JAK3: variants seen among roughly 807,000 people sequenced by gnomAD.
The protein encoded by JAK3 is tyrosine-protein kinase JAK3.
JAK3 carries 88 observed loss-of-function variants against 120.8 expected under a neutral mutation model. The ratio of observed to expected loss-of-function variants is 0.73; its 90% CI spans 0.61 to 0.87. JAK3 has a LOEUF of 0.87. Ranked by LOEUF, JAK3 falls within the 40% of genes least tolerant of loss-of-function variation. The probability of loss-of-function intolerance (pLI) is 0.00; values close to 1 mark genes in which losing one functional copy is unlikely to be tolerated. For missense variants in JAK3, 1,254 were observed against 1,501.4 expected (o/e 0.84, Z 2.72); for synonymous variants, 592 against 628.6 (o/e 0.94, Z 0.87).
rs2094204120 is a variant in JAK3, at chr19:17,826,470, T to C, written c.*273A>G. The C allele has an allele frequency of 1.9e-6, 1 of 523,064 alleles. No homozygotes were observed. 32.4% of individuals were successfully genotyped at this position (523,064 alleles called of 1,614,324 possible). The stretch of plus-strand genomic sequence containing the variant: ...GCCAGGGCTTAAGGGGTTGGGAAGA[T>C]GCGAGAGTCTTAAATTTGGTTCCTT... On this transcript the variant is annotated 3_prime_UTR_variant, in exon 24 of 24. Coordinates refer to ENST00000458235, the MANE Select transcript of JAK3 (RefSeq NM_000215.4).
Position 17,831,797 on chromosome 19 carries a change from G to A in JAK3, c.2682C>T (p.Gly894=), listed in dbSNP as rs200092002. ...VKYRGVSYGP[G]RQSLRLVMEY... is the part of the protein sequence containing the mutation. ...CCATGACCAGCCGCAGGCTCTGGCGGCCTGGAGAAGGCAGGATCTGTCACA... is the reference window on the plus strand; with the variant it reads ...CCATGACCAGCCGCAGGCTCTGGCGACCTGGAGAAGGCAGGATCTGTCACA... The change falls in exon 20 of 24, where the codon GGC becomes GGT. Residue 894 remains glycine (G), a splice_region_variant and synonymous_variant. Transcript: ENST00000458235. The surrounding 1 kb of genome is among the most constrained non-coding windows in gnomAD (Gnocchi z 5.1). 1.2e-6 allele frequency: 2 copies of A among 1,612,770 alleles called. No homozygotes were observed. Among genetic ancestry groups the A allele is most frequent in the East Asian group, 2.2e-5 (1 of 44,858 alleles).
At chr19:17,838,231 G>A (rs2147688174) in intron 11 of JAK3, 32 bp downstream of exon 11, 1 of 1,613,800 alleles carries the variant, frequency 6.2e-7, no homozygotes. Flanking sequence ...ACCCCAGACT[G>A]AGGTATCGCC....
Position 17,826,885 on chromosome 19 carries a change from C to T in JAK3, c.3233G>A (p.Trp1078Ter). Reference protein sequence around the residue: ...AEVHELMKLCWAPSPQDRPSF... With the variant: ...AEVHELMKLC ...TGGCCGGTCCTGTGGGCTAGGGGCC[C>T]AGCACAGCTTCATGAGCTCGTGAAC... The change falls in exon 24 of 24, where the codon TGG becomes TAG. Residue 1078 changes from tryptophan to a stop codon, truncating the protein, a stop_gained. Transcript: ENST00000458235. LOFTEE classifies it low-confidence loss of function (END_TRUNC). The T allele has an allele frequency of 1.2e-6, 2 of 1,612,450 alleles. No homozygotes were observed. Among genetic ancestry groups the T allele is most frequent in the Non-Finnish European group, 1.7e-6 (2 of 1,179,986 alleles).
At position 17,826,089 on chromosome 19, in the gene JAK3, T is replaced by A. The variant is rs71332114; in HGVS notation, c.*654A>T. ...CTCTTAAAAATAATAATAATAAATT[T>A]AAAAAAAAAAAAGCCTGGGTGCAGT... On this transcript the variant is annotated 3_prime_UTR_variant, in exon 24 of 24. Transcript: ENST00000458235. 37,821 of 139,478 alleles carry A rather than the reference T, an allele frequency of 0.27. 6,627 individuals carry two copies. The highest frequency in any genetic ancestry group is 0.51 in the African/African-American group (19,846 of 38,860). The allele number at this position is 139,478 out of a possible 1,614,324, so 8.6% of individuals were successfully genotyped here. A position where few individuals can be genotyped will look rare whatever the true frequency, so the allele number is the denominator to read the frequency against.
chr19:17,843,557 G>C lies in JAK3; in HGVS notation c.309-66C>G, dbSNP rs915790216. 8.0e-7 allele frequency: 1 copy of C among 1,251,032 alleles called. No homozygotes were observed. The highest frequency in any genetic ancestry group is 1.2e-6 in the Non-Finnish European group (1 of 866,900). 77.5% of individuals were successfully genotyped at this position (1,251,032 alleles called of 1,614,324 possible). A position where few individuals can be genotyped will look rare whatever the true frequency, so the allele number is the denominator to read the frequency against. On this transcript the variant is annotated intron_variant, in intron 3 of 23. Coordinates refer to ENST00000458235, the MANE Select transcript of JAK3 (RefSeq NM_000215.4). The surrounding 1 kb of genome is among the most constrained non-coding windows in gnomAD (Gnocchi z 5.4). ...CAGCCTCAGTAGGAGTGACATTATG[G>C]TGGGGGCGAGGGACAGATTCTGCGG... is the stretch of plus-strand genomic sequence containing the variant.
intron 23 of JAK3, chr19:17,829,729 G>A: frequency 2.6e-6 from 1 of 383,454 alleles, no homozygotes; most frequent in Non-Finnish European, 4.7e-6. Flanking sequence ...CCCAGCCTGG[G>A]CAACAGAGTG....
In JAK3 at chr19:17,834,663, G is replaced by T. The variant is rs2094220604; in HGVS notation, c.2258C>A (p.Ala753Asp). ...QLPAPKWTELALLIQQCMAYE... is the reference protein window; with the variant it reads ...QLPAPKWTELDLLIQQCMAYE... ...GGCCATGCACTGTTGAATCAGCAGG[G>T]CCAGCTCTGTCCACTTGGGGGCCGG... Residue 753 changes from alanine (A) to aspartate (D), a missense_variant, in exon 17 of 24, where the codon GCC (alanine) becomes GAC (aspartate). Transcript: ENST00000458235. The T allele has an allele frequency of 6.2e-7, 1 of 1,614,126 alleles. No individual in the cohort carries two copies. Among genetic ancestry groups the T allele is most frequent in the Non-Finnish European group, 8.5e-7 (1 of 1,180,012 alleles).
rs1487135721 is a variant in JAK3 at position 17,832,256 on chromosome 19, G to A, written c.2680+263C>T. 1.2e-4 allele frequency among the ~76,000 whole-genome samples: 18 copies of A among 152,046 alleles called. No individual in the cohort carries two copies. The highest frequency in any genetic ancestry group is 4.4e-5 in the Non-Finnish European group (3 of 68,016). On this transcript the variant is annotated intron_variant, in intron 19 of 23. Coordinates refer to ENST00000458235, the MANE Select transcript of JAK3 (RefSeq NM_000215.4). The surrounding 1 kb of genome is among the most constrained non-coding windows in gnomAD (Gnocchi z 4.7). The stretch of plus-strand genomic sequence containing the variant: ...AGCCTGGGTGACAGAGCGAGACTCT[G>A]TCTCAAAAAAACAAACAAACAACAA...
At chr19:17,847,373 C>T (rs2382989) in intron 1 of JAK3, among the ~76,000 whole-genome samples, 68,167 of 151,858 alleles carry the variant, frequency 0.45, 18,605 homozygotes, top group African/African-American at 0.78. Flanking sequence ...TATTATTATT[C>T]TGTAATACTG....
intron 1 of JAK3, 82 bp from the exon 2 acceptor site, chr19:17,844,512 C>A: frequency 7.6e-7 from 1 of 1,313,282 alleles, no homozygotes; most frequent in Non-Finnish European, 1.1e-6. Flanking sequence ...GAAAGGAGTG[C>A]TGGAGGCCGG....
In JAK3 at chr19:17,826,734, G is replaced by C. The variant is rs201071664; in HGVS notation, c.*9C>G. On this transcript the variant is annotated 3_prime_UTR_variant, in exon 24 of 24. Transcript: ENST00000458235. ...ACAGAGACCTAATCCAGAGGTCTGCGGGCAGGAGCTATGAAAAGGACAGGG... is the reference window on the plus strand; with the variant it reads ...ACAGAGACCTAATCCAGAGGTCTGCCGGCAGGAGCTATGAAAAGGACAGGG... 10 of 1,613,856 alleles carry C rather than the reference G, an allele frequency of 6.2e-6. No homozygotes were observed. The highest frequency in any genetic ancestry group is 8.5e-6 in the Non-Finnish European group (10 of 1,179,860).
chr19:17,844,224 A>T lies in JAK3; in HGVS notation c.184+10T>A. ...TTCCCTCTGGCCCGATCCACTAGGG[A>T]TGCACTCACCGCTGGCCTTGGCAGC... On this transcript the variant is annotated intron_variant, in intron 2 of 23. Coordinates refer to ENST00000458235, the MANE Select transcript of JAK3 (RefSeq NM_000215.4). The T allele has an allele frequency of 6.3e-7, 1 of 1,581,046 alleles. No homozygotes were observed. The highest frequency in any genetic ancestry group is 2.3e-5 in the East Asian group (1 of 43,248).
At chr19:17,827,067 C>T (rs1398225317) in intron 23 of JAK3, among the ~76,000 whole-genome samples, 157 bp from the exon 24 acceptor site, 2 of 152,144 alleles carry the variant, frequency 1.3e-5, no homozygotes, top group Non-Finnish European at 2.9e-5. Flanking sequence ...GCAACCTCCG[C>T]CTCCCGGGTT....
intron 1 of JAK3, among the ~76,000 whole-genome samples, chr19:17,844,654 G>A (rs1283296881): frequency 6.6e-6 from 1 of 151,946 alleles, no homozygotes; most frequent in Admixed American, 6.6e-5. Flanking sequence ...AAACTTAGCC[G>A]GGTGTGGTGG....
chr19:17,839,374 G>C (rs905545086), intron 10 of JAK3, 103 bp downstream of exon 10: 2 of 1,080,780 alleles, frequency 1.9e-6, no homozygotes, highest in Non-Finnish European at 2.8e-6. Context: ...AACCCACCTT[G>C]ACCTGCAGTT....
chr19:17,829,885 A>G lies in JAK3; in HGVS notation c.3207+223T>C. 4.8e-6 allele frequency: 3 copies of G among 620,598 alleles called. No individual in the cohort carries two copies. The South Asian group carries it at 5.4e-5, about 11-fold the overall frequency. 38.4% of individuals were successfully genotyped at this position (620,598 alleles called of 1,614,324 possible). A position where few individuals can be genotyped will look rare whatever the true frequency, so the allele number is the denominator to read the frequency against. On this transcript the variant is annotated intron_variant, in intron 23 of 23. Coordinates refer to ENST00000458235, the MANE Select transcript of JAK3 (RefSeq NM_000215.4). Reference sequence around the variant, plus strand: ...CAGGAGTCTAATCTTCCCTCACCCTATAAGGCATTACTATTCTCATTTTGG... The same window carrying G: ...CAGGAGTCTAATCTTCCCTCACCCTGTAAGGCATTACTATTCTCATTTTGG...
chr19:17,831,938 T>G lies in JAK3; in HGVS notation c.2681-140A>C. ...TATGGGAACCGCAACAATGACACAT[T>G]GCTAATATCTCTTGAGTACTTTCTA... On this transcript the variant is annotated intron_variant, in intron 19 of 23. Transcript: ENST00000458235. This position sits in a 1 kb window ranked among gnomAD's most constrained non-coding sequence, Gnocchi z 5.1. The G allele has an allele frequency of 2.0e-6, 2 of 993,542 alleles. No individual in the cohort carries two copies. The highest frequency in any genetic ancestry group is 2.7e-5 in the South Asian group (2 of 73,660). 61.5% of individuals were successfully genotyped at this position (993,542 alleles called of 1,614,324 possible).
chr19:17,837,770 TC>T (rs1273718801), intron 12 of JAK3, among the ~76,000 whole-genome samples, 161 bp downstream of exon 12: 1 of 152,064 alleles, frequency 6.6e-6, no homozygotes, highest in Non-Finnish European at 1.5e-5. Context: ...GTTCTTGAAC[TC>T]CTGGCTTCAA....
In JAK3 at chr19:17,847,948, A is replaced by AG; in HGVS notation, c.-17dup. The AG allele has an allele frequency of 9.7e-7, 1 of 1,031,524 alleles. No homozygotes were observed. The highest frequency in any genetic ancestry group is 1.2e-6 in the Non-Finnish European group (1 of 856,562). 63.9% of individuals were successfully genotyped at this position (1,031,524 alleles called of 1,614,324 possible). On this transcript the variant is annotated 5_prime_UTR_variant, in exon 1 of 24. Coordinates refer to ENST00000458235, the MANE Select transcript of JAK3 (RefSeq NM_000215.4). ...CCTGCGGCATCGCCAGCTCTTACCT[A>AG]GCGGGCAGGGACCCTGGACTTTCGA...
Sources: gnomAD v4.1 joint callset for allele counts (sites outside exome capture counted in the v4.1 genomes callset) on GRCh38, gnomAD v4.1.1 for gene constraint, Gnocchi (gnomAD v3.1) non-coding constraint, MANE v1.5 for transcripts, NCBI Gene and HGNC (gene_info 2026-07-23, HGNC 2026-07-21) for gene names.